TENM3: variants seen among roughly 807,000 people sequenced by gnomAD.
TENM3 encodes teneurin-3.
In TENM3, 63 loss-of-function variants were observed where a neutral mutation model predicts 255.1. That is an observed-to-expected ratio of 0.25 (90% CI 0.20 to 0.30). TENM3 has a LOEUF of 0.30. Among genes scored for constraint, TENM3 ranks in the 10% least tolerant of loss-of-function variants. The pLI is 1.00. For synonymous variants in TENM3, 1,306 were observed against 1,322.3 expected, an observed-to-expected ratio of 0.99 and a Z score of 0.27; for missense variants, 2,929 against 3,461.1, an observed-to-expected ratio of 0.85 and a Z score of 3.86.
chr4:181,521,889 G>A, the TENM3 span, among the ~76,000 whole-genome samples: 2 of 151,998 alleles, frequency 1.3e-5, no homozygotes, highest in African/African-American at 2.4e-5. Context: ...GAGGTCAGGA[G>A]ATCGAGACCA....
At chr4:182,413,273 T>C (rs1770136501) in intron 3 of TENM3, among the ~76,000 whole-genome samples, 1 of 151,900 alleles carries the variant, frequency 6.6e-6, no homozygotes, top group Non-Finnish European at 1.5e-5. Context: ...ATATAAAACA[T>C]TAGGGATTCA....
upstream of TENM3, among the ~76,000 whole-genome samples, chr4:182,242,967 T>C (rs77015124): frequency 2.4e-3 from 360 of 152,360 alleles, 1 homozygote; most frequent in African/African-American, 8.2e-3. Flanking sequence ...ACTAGGTTTC[T>C]GACTTGCATA....
chr4:182,548,567 A>C (rs566859951), intron 3 of TENM3: 1 of 152,260 alleles, frequency 6.6e-6, no homozygotes, highest in South Asian at 2.1e-4. Context: ...TAGTCACCTG[A>C]TGTAGATGTT....
the TENM3 span, among the ~76,000 whole-genome samples, chr4:182,078,142 C>G: frequency 6.6e-6 from 1 of 152,156 alleles, no homozygotes; most frequent in South Asian, 2.1e-4. Flanking sequence ...GGGAGGATCA[C>G]TTGAGCCCAG....
At chr4:182,157,295 C>T (rs1750781706) in intron 1 of TENM3, among the ~76,000 whole-genome samples, 1 of 152,192 alleles carries the variant, frequency 6.6e-6, no homozygotes, top group Non-Finnish European at 1.5e-5. Flanking sequence ...CAAAGTGGGG[C>T]ATTGGAAGCC....
the TENM3 span, among the ~76,000 whole-genome samples, chr4:181,825,988 A>C: frequency 4.6e-5 from 7 of 152,332 alleles, no homozygotes; most frequent in Admixed American, 2.0e-4. Flanking sequence ...CAGGACCAAC[A>C]CTTGCCAACT....
chr4:181,882,138 T>G, the TENM3 span, among the ~76,000 whole-genome samples: 2 of 152,192 alleles, frequency 1.3e-5, no homozygotes, highest in Admixed American at 6.5e-5. Context: ...CCTGCAGAGT[T>G]CGGCTGCAAG....
At position 182,652,112 on chromosome 4, in the gene TENM3, C is replaced by T. The variant is rs1753362369; in HGVS notation, c.989-1659C>T. ...GTGTTTTCTTAGATTTTTAAAATCT[C>T]AGAAAATAGAATATTCCTAACTTTA... On this transcript the variant is annotated intron_variant, in intron 5 of 27. Coordinates refer to ENST00000511685, the MANE Select transcript of TENM3 (RefSeq NM_001080477.4). Among the ~76,000 whole-genome samples the T allele has an allele frequency of 2.0e-5, 3 of 152,162 alleles. No homozygotes were observed. In the South Asian group the frequency reaches 6.2e-4, roughly 32 times the overall value.
At chr4:182,259,475 C>A (rs2150152688) in intron 1 of TENM3, among the ~76,000 whole-genome samples, 1 of 152,122 alleles carries the variant, frequency 6.6e-6, no homozygotes, top group East Asian at 1.9e-4. Flanking sequence ...CCACACCTGG[C>A]TAATTTTTAA....
At chr4:182,271,125 T>TA (rs1410115420) in intron 1 of TENM3, among the ~76,000 whole-genome samples, 1 of 152,198 alleles carries the variant, frequency 6.6e-6, no homozygotes, top group Non-Finnish European at 1.5e-5. Flanking sequence ...TTCCTCCTGC[T>TA]AAGACAACCA....
At chr4:182,568,151 T>G (rs1442219552) in intron 3 of TENM3, among the ~76,000 whole-genome samples, 1 of 152,196 alleles carries the variant, frequency 6.6e-6, no homozygotes, top group Non-Finnish European at 1.5e-5. Context: ...CAACCTACCT[T>G]CAAGCTGTAC....
chr4:181,741,378 A>T, the TENM3 span, among the ~76,000 whole-genome samples: 1 of 152,196 alleles, frequency 6.6e-6, no homozygotes, highest in Non-Finnish European at 1.5e-5. Context: ...TAAATCTATT[A>T]GTAGCTCTTG....
chr4:182,594,268 G>A (rs1196057728), intron 3 of TENM3, among the ~76,000 whole-genome samples: 1 of 152,098 alleles, frequency 6.6e-6, no homozygotes, highest in Non-Finnish European at 1.5e-5. Flanking sequence ...ACCTCCCCAA[G>A]TGATAGGATT....
chr4:181,495,173 C>G, the TENM3 span, among the ~76,000 whole-genome samples: 6 of 152,194 alleles, frequency 3.9e-5, no homozygotes, highest in East Asian at 1.2e-3. Flanking sequence ...TGAGTAGGAA[C>G]TACACAGTGG....
chr4:182,132,682 G>T, the TENM3 span, among the ~76,000 whole-genome samples: 1 of 152,092 alleles, frequency 6.6e-6, no homozygotes, highest in Non-Finnish European at 1.5e-5. Context: ...ATTCACATTG[G>T]CGTGTATATG....
the TENM3 span, among the ~76,000 whole-genome samples, chr4:181,792,809 C>T: frequency 4.6e-5 from 7 of 152,152 alleles, no homozygotes; most frequent in Non-Finnish European, 8.8e-5. Flanking sequence ...CCCACTTCTC[C>T]CTATTGAGCA....
At chr4:182,325,483 T>C (rs535443816) in intron 2 of TENM3, among the ~76,000 whole-genome samples, 1 of 152,304 alleles carries the variant, frequency 6.6e-6, no homozygotes, top group African/African-American at 2.4e-5. Flanking sequence ...AGGGACAAAA[T>C]AGCTTAACAT....
chr4:182,724,694 C>A (rs1378495862), intron 13 of TENM3, among the ~76,000 whole-genome samples: 3 of 152,118 alleles, frequency 2.0e-5, no homozygotes, highest in African/African-American at 7.2e-5. Flanking sequence ...GCAACTGTAC[C>A]ATCTATTGCC....
chr4:182,191,860 T>C (rs537118469), intron 1 of TENM3, among the ~76,000 whole-genome samples: 10 of 152,330 alleles, frequency 6.6e-5, no homozygotes, highest in Admixed American at 6.5e-4. Flanking sequence ...AGATTATCGC[T>C]GATCTACTTT....
Sources: allele counts gnomAD v4.1 joint callset (sites outside exome capture counted in the v4.1 genomes callset), GRCh38; gene constraint gnomAD v4.1.1; transcripts MANE v1.5; gene names NCBI Gene and HGNC (gene_info 2026-07-23, HGNC 2026-07-21).